TPTE2: variants seen among roughly 807,000 people sequenced by gnomAD.
TPTE2 encodes phosphatidylinositol 3,4,5-trisphosphate 3-phosphatase TPTE2.
In TPTE2, 53 loss-of-function variants were observed where a neutral mutation model predicts 78.6. That is an observed-to-expected ratio of 0.67 (90% confidence interval 0.54 to 0.85). TPTE2 has a LOEUF of 0.85. TPTE2 is among the 40% of genes least tolerant of loss of function. The pLI is 0.00. For synonymous variants in TPTE2, 175 were observed against 206.2 expected (o/e 0.85, Z 1.30); for missense variants, 461 against 623.0 (o/e 0.74, Z 2.77).
chr13:19,438,041 A>G (rs1432136457), intron 14 of TPTE2, 51 bp downstream of exon 17: 2 of 1,588,792 alleles, frequency 1.3e-6, no homozygotes, highest in South Asian at 1.2e-5. Flanking sequence ...ATCTTTCAGA[A>G]CTAGCAAACT....
chr13:19,461,950 A>T (rs868055537), intron 10 of TPTE2, among the ~76,000 whole-genome samples: 90 of 65,962 alleles, frequency 1.4e-3, no homozygotes, highest in African/African-American at 3.4e-3. Context: ...TTTTTTTTTT[A>T]AATCTTGGCA....
At chr13:19,499,492 A>G (rs1881620557) in intron 1 of TPTE2, among the ~76,000 whole-genome samples, 1 of 137,490 alleles carries the variant, frequency 7.3e-6, no homozygotes. Flanking sequence ...AGGATTAAGA[A>G]TCTCACTCAA....
rs1159199101 is a variant in TPTE2 at position 19,520,921 on chromosome 13, CTATT to C, written c.-44+15671_-44+15674del. Reference sequence around the variant, plus strand: ...GAATTTCCCAAATTTCCTTCTCTTACTATTCTAACCTCATTTTATTGTAGTTGAG... The same window carrying C: ...GAATTTCCCAAATTTCCTTCTCTTACCTAACCTCATTTTATTGTAGTTGAG... On this transcript the variant is annotated intron_variant, in intron 1 of 17. Transcript: ENST00000390680. Among the ~76,000 whole-genome samples, 3 of 152,014 alleles carry C rather than the reference CTATT, an allele frequency of 2.0e-5. No individual in the cohort carries two copies. In the East Asian group the frequency reaches 5.8e-4, roughly 29 times the overall value.
intron 5 of TPTE2, 110 bp from the exon 9 acceptor site, chr13:19,474,185 A>G (rs1214131128): frequency 4.6e-6 from 5 of 1,093,906 alleles, no homozygotes; most frequent in Non-Finnish European, 6.1e-6. Flanking sequence ...ATCAGGTACC[A>G]AAATGTTATT....
At chr13:19,498,265 A>G (rs1283604408) in intron 1 of TPTE2, among the ~76,000 whole-genome samples, 1 of 152,004 alleles carries the variant, frequency 6.6e-6, no homozygotes, top group Non-Finnish European at 1.5e-5. Context: ...CTAGCAAGGC[A>G]GGCCAACGTT....
At chr13:19,529,827 A>T (rs909953350) in intron 1 of TPTE2, among the ~76,000 whole-genome samples, 2 of 151,714 alleles carry the variant, frequency 1.3e-5, no homozygotes, top group Admixed American at 6.6e-5. Context: ...CTCACTTAGC[A>T]TCTCATTTTG....
chr13:19,560,459 G>A, the TPTE2 span: 11 of 1,605,870 alleles, frequency 6.8e-6, no homozygotes, highest in Admixed American at 1.0e-4. Flanking sequence ...GGCAGTGAGC[G>A]CTGGGCCACA....
intron 1 of TPTE2, among the ~76,000 whole-genome samples, chr13:19,529,426 T>C (rs1237871987): frequency 2.6e-5 from 4 of 152,214 alleles, no homozygotes; most frequent in Non-Finnish European, 4.4e-5. Context: ...CATGCCCAGC[T>C]GGGTTCTTAG....
rs1345165606 is a variant in TPTE2 at position 19,428,188 on chromosome 13, C to T, written c.1303-1671G>A. On this transcript the variant is annotated intron_variant, in intron 17 of 19. Transcript: ENST00000400230. ...AATGGGCCAGGTGCGGTGGCTCAAG[C>T]CTGTAATCCCAGCACTTTGGGAGGT... Among the ~76,000 whole-genome samples the T allele has an allele frequency of 2.6e-5, 4 of 152,260 alleles. No homozygotes were observed. The East Asian group carries it at 7.7e-4, about 29-fold the overall frequency.
At chr13:19,450,329 T>C (rs1353934914) in exon 12 of TPTE2, 1 of 1,610,862 alleles carries the variant, frequency 6.2e-7, no homozygotes, top group Non-Finnish European at 8.5e-7. Flanking sequence ...GTGCTTAGGA[T>C]CATAAGCTCT....
chr13:19,454,028 CA>C (rs1165005747), intron 10 of TPTE2, among the ~76,000 whole-genome samples: 5 of 152,142 alleles, frequency 3.3e-5, no homozygotes, highest in African/African-American at 1.2e-4. Context: ...GATTTGGAGG[CA>C]AAAGTATACC....
In TPTE2 at chr13:19,535,002, G is replaced by T. The variant is rs1418569947; in HGVS notation, c.-44+1594C>A. Among the ~76,000 whole-genome samples, 1 of 152,012 alleles carries T rather than the reference G, an allele frequency of 6.6e-6. No homozygotes were observed. The highest frequency in any genetic ancestry group is 2.4e-5 in the African/African-American group (1 of 41,382). ...TGTTATCACTTGAGGTCAGGAGTTC[G>T]AGACCAGCCTGGCCAACATCGTGAA... On this transcript the variant is annotated intron_variant, in intron 1 of 17. Coordinates refer to the TPTE2 transcript ENST00000390680. This position sits in a 1 kb window ranked among gnomAD's most constrained non-coding sequence, Gnocchi z 5.1.
chr13:19,525,576 C>T (rs1475581064), intron 1 of TPTE2, among the ~76,000 whole-genome samples: 2 of 152,086 alleles, frequency 1.3e-5, no homozygotes, highest in Non-Finnish European at 2.9e-5. Flanking sequence ...AAATGTAAAA[C>T]CTAAAACTAT....
chr13:19,457,298 T>C (rs1878596256), intron 10 of TPTE2, among the ~76,000 whole-genome samples: 2 of 152,192 alleles, frequency 1.3e-5, no homozygotes, highest in African/African-American at 4.8e-5. Context: ...AAACATGTGG[T>C]TATAGATGCA....
At chr13:19,491,179 C>G (rs1252709461) in intron 3 of TPTE2, among the ~76,000 whole-genome samples, 1 of 152,148 alleles carries the variant, frequency 6.6e-6, no homozygotes, top group East Asian at 1.9e-4. Flanking sequence ...TGTGTATTTA[C>G]ATATATATGT....
chr13:19,487,462 G>A (rs1217981671), intron 3 of TPTE2, among the ~76,000 whole-genome samples: 9 of 152,240 alleles, frequency 5.9e-5, no homozygotes, highest in Admixed American at 4.6e-4. Flanking sequence ...ACCTGGGGGT[G>A]TATCAGCTGC....
chr13:19,479,755 A>C (rs1880212925), intron 4 of TPTE2, among the ~76,000 whole-genome samples: 1 of 152,108 alleles, frequency 6.6e-6, no homozygotes, highest in South Asian at 2.1e-4. Flanking sequence ...TGAGGTCAAG[A>C]GATTGAGACC....
intron 1 of TPTE2, among the ~76,000 whole-genome samples, chr13:19,527,807 T>C (rs894869406): frequency 1.1e-4 from 16 of 152,224 alleles, no homozygotes; most frequent in Non-Finnish European, 1.5e-5. Flanking sequence ...GGCAGTTTCA[T>C]GGCTGGGATC....
chr13:19,556,171 T>A, the TPTE2 span, among the ~76,000 whole-genome samples: 2 of 152,130 alleles, frequency 1.3e-5, no homozygotes, highest in Non-Finnish European at 2.9e-5. Flanking sequence ...CGATTCATTG[T>A]CCCTATGCAT....
Sources: gnomAD v4.1 joint callset for allele counts (sites outside exome capture counted in the v4.1 genomes callset) on GRCh38, gnomAD v4.1.1 for gene constraint, Gnocchi (gnomAD v3.1) non-coding constraint, MANE v1.5 for transcripts, NCBI Gene and HGNC (gene_info 2026-07-23, HGNC 2026-07-21) for gene names.